CREB5: variants seen among roughly 807,000 people sequenced by gnomAD.
CREB5 encodes cyclic AMP-responsive element-binding protein 5.
A neutral mutation model predicts 57.1 loss-of-function variants in CREB5; 19 were observed. The observed-to-expected ratio is 0.33, with a 90% CI of 0.23 to 0.49. CREB5 has a LOEUF of 0.49. Ranked by LOEUF, CREB5 falls within the 20% of genes least tolerant of loss-of-function variation. CREB5 has a pLI of 0.99. For synonymous variants in CREB5, 238 were observed against 238.3 expected, an observed-to-expected ratio of 1.00 and a Z score of 0.01; for missense variants, 579 against 671.6, an observed-to-expected ratio of 0.86 and a Z score of 1.52.
intron 7 of CREB5, among the ~76,000 whole-genome samples, chr7:28,796,488 C>T (rs927609846): frequency 9.2e-5 from 14 of 152,174 alleles, no homozygotes; most frequent in African/African-American, 3.4e-4. Flanking sequence ...TCAGTTCCAT[C>T]GACTCTGCTG....
At chr7:28,386,501 G>T (rs904059695) in intron 1 of CREB5, among the ~76,000 whole-genome samples, 2 of 152,102 alleles carry the variant, frequency 1.3e-5, no homozygotes, top group Non-Finnish European at 2.9e-5. Flanking sequence ...ATGGGTGTAG[G>T]TGTGAATTTC....
chr7:28,470,238 C>G (rs1233561790), intron 1 of CREB5, among the ~76,000 whole-genome samples: 1 of 152,160 alleles, frequency 6.6e-6, no homozygotes, highest in East Asian at 1.9e-4. Flanking sequence ...CCTTTCCCAG[C>G]CTCTGGTAAC....
chr7:28,761,286 T>G (rs898225662), intron 7 of CREB5, among the ~76,000 whole-genome samples: 6 of 152,214 alleles, frequency 3.9e-5, no homozygotes, highest in African/African-American at 7.2e-5. Flanking sequence ...CAGCTGCTGC[T>G]CACCAGCGAT....
intron 5 of CREB5, among the ~76,000 whole-genome samples, chr7:28,635,427 C>G (rs931749911): frequency 1.3e-5 from 2 of 152,192 alleles, no homozygotes; most frequent in Non-Finnish European, 2.9e-5. Context: ...ATAACTAATA[C>G]TTGTTGGCCA....
At chr7:28,778,769 T>C (rs1026476742) in intron 7 of CREB5, among the ~76,000 whole-genome samples, 1 of 152,166 alleles carries the variant, frequency 6.6e-6, no homozygotes, top group Non-Finnish European at 1.5e-5. Context: ...GATAATTAAA[T>C]ACAATGAAAA....
At chr7:28,667,872 A>G (rs1377833003) in intron 5 of CREB5, among the ~76,000 whole-genome samples, 2 of 152,206 alleles carry the variant, frequency 1.3e-5, no homozygotes, top group African/African-American at 2.4e-5. Flanking sequence ...CAAGTGGTTA[A>G]TATTTGGTTC....
At chr7:28,514,185 A>T in intron 4 of CREB5, among the ~76,000 whole-genome samples, 1 of 152,138 alleles carries the variant, frequency 6.6e-6, no homozygotes. Context: ...AAAGTATTTT[A>T]TCTTTTGCGA....
chr7:28,350,100 A>G (rs1314803930), intron 1 of CREB5, among the ~76,000 whole-genome samples: 1 of 152,254 alleles, frequency 6.6e-6, no homozygotes, highest in Non-Finnish European at 1.5e-5. Context: ...GGTGGGATGC[A>G]GGACAAAGTG....
At chr7:28,495,293 T>C (rs1466241823) in intron 3 of CREB5, among the ~76,000 whole-genome samples, 1 of 151,998 alleles carries the variant, frequency 6.6e-6, no homozygotes, top group African/African-American at 2.4e-5. Flanking sequence ...ATCCCAGCAG[T>C]TTGGGAGGCT....
intron 7 of CREB5, among the ~76,000 whole-genome samples, chr7:28,793,983 G>A (rs1218214607): frequency 1.3e-5 from 2 of 152,214 alleles, no homozygotes; most frequent in Admixed American, 1.3e-4. Context: ...CATATGTGGA[G>A]TAAAGTTTGC....
chr7:28,786,920 A>C (rs1807362536), intron 7 of CREB5, among the ~76,000 whole-genome samples: 1 of 152,136 alleles, frequency 6.6e-6, no homozygotes, highest in Non-Finnish European at 1.5e-5. Flanking sequence ...CTTTTGGAGA[A>C]CTTCGTAGGG....
intron 1 of CREB5, among the ~76,000 whole-genome samples, chr7:28,416,078 G>T (rs1240546346): frequency 6.6e-6 from 1 of 152,186 alleles, no homozygotes; most frequent in African/African-American, 2.4e-5. Context: ...TTTAGTCTGT[G>T]CTGTATTTAA....
At chr7:28,368,800 A>C (rs1163301372) in intron 1 of CREB5, among the ~76,000 whole-genome samples, 2 of 152,228 alleles carry the variant, frequency 1.3e-5, no homozygotes, top group East Asian at 3.9e-4. Context: ...TAATCCCAGC[A>C]TTTTGGGAGG....
At position 28,511,605 on chromosome 7, in the gene CREB5, C is replaced by T. The variant is rs1046465782; in HGVS notation, c.291+3868C>T. On this transcript the variant is annotated intron_variant, in intron 4 of 10. Transcript: ENST00000357727. ...GCTCAGTTGATCCTCCCACCTCAGC[C>T]TCCCAAGTAGCTGGGACTACAGGTA... 1.3e-4 allele frequency among the ~76,000 whole-genome samples: 20 copies of T among 152,328 alleles called. 2 individuals carry two copies. The highest frequency in any genetic ancestry group is 4.6e-4 in the African/African-American group (19 of 41,570).
intron 4 of CREB5, among the ~76,000 whole-genome samples, chr7:28,532,589 TTTTC>T (rs1042648961): frequency 1.3e-5 from 2 of 152,024 alleles, no homozygotes; most frequent in African/African-American, 4.8e-5. Context: ...GATCGGAAGG[TTTTC>T]TTTGTTTGTT....
chr7:28,535,362 G>A (rs921289478), intron 4 of CREB5, among the ~76,000 whole-genome samples: 1 of 137,120 alleles, frequency 7.3e-6, no homozygotes. Context: ...ATGGAAGGGA[G>A]GAAAGGTGGA....
chr7:28,562,792 G>C (rs1217915797), intron 4 of CREB5, among the ~76,000 whole-genome samples: 1 of 152,238 alleles, frequency 6.6e-6, no homozygotes, highest in Admixed American at 6.5e-5. Context: ...TGGTATGCCA[G>C]ATATACTGTT....
intron 7 of CREB5, among the ~76,000 whole-genome samples, chr7:28,764,359 T>TA (rs397740035): frequency 0.69 from 101,834 of 148,276 alleles, 35,077 homozygotes; most frequent in East Asian, 0.84. Context: ...AATTCTCCTG[T>TA]AAAAAAAAAA....
At position 28,819,957 on chromosome 7, in the gene CREB5, C is replaced by G. The variant is rs1809666343; in HGVS notation, c.*678C>G. 2 of 150,514 alleles carry G rather than the reference C, an allele frequency of 1.3e-5. No individual in the cohort carries two copies. The highest frequency in any genetic ancestry group is 4.9e-5 in the African/African-American group (2 of 40,978). 9.3% of individuals were successfully genotyped at this position (150,514 alleles called of 1,614,324 possible). ...TGACTTCCTTCTGTTTTATTTTTTT[C>G]CCTTTAGCATTGCATGTGAATAAGA... On this transcript the variant is annotated 3_prime_UTR_variant, in exon 11 of 11. Coordinates refer to ENST00000357727, the MANE Select transcript of CREB5 (RefSeq NM_182898.4).
Sources: gnomAD v4.1 joint callset for allele counts (sites outside exome capture counted in the v4.1 genomes callset) on GRCh38, gnomAD v4.1.1 for gene constraint, MANE v1.5 for transcripts, NCBI Gene and HGNC (gene_info 2026-07-23, HGNC 2026-07-21) for gene names.